CCDC191: variants seen among roughly 807,000 people sequenced by gnomAD.
The protein encoded by CCDC191 is coiled-coil domain containing 191.
A neutral mutation model predicts 114.0 loss-of-function variants in CCDC191; 99 were observed. That is an observed-to-expected ratio of 0.87 (90% confidence interval 0.74 to 1.03). The LOEUF is 1.03. CCDC191 is among the 50% of genes least tolerant of loss of function. CCDC191 has a pLI of 0.00. For synonymous variants in CCDC191, 351 were observed against 376.0 expected (o/e 0.93, Z 0.77); for missense variants, 973 against 1,087.0 (o/e 0.90, Z 1.47).
intron 9 of CCDC191, 59 bp from the exon 10 acceptor site, chr3:114,006,021 A>C: frequency 7.0e-7 from 1 of 1,421,134 alleles, no homozygotes. Context: ...GATGAAATCC[A>C]ACATTTATGA....
chr3:114,037,737 T>C (rs943028230), intron 4 of CCDC191, among the ~76,000 whole-genome samples: 7 of 152,176 alleles, frequency 4.6e-5, no homozygotes, highest in Non-Finnish European at 7.3e-5. Flanking sequence ...CTATAAACTA[T>C]ATCCATCCTT....
At chr3:113,984,616 A>G (rs2075288054) in intron 13 of CCDC191, 1 of 152,214 alleles carries the variant, frequency 6.6e-6, no homozygotes, top group Non-Finnish European at 1.5e-5. Context: ...TGTGCATTTT[A>G]TATCTAAAGT....
chr3:113,981,875 T>C (rs2075164029), intron 13 of CCDC191, among the ~76,000 whole-genome samples: 1 of 152,234 alleles, frequency 6.6e-6, no homozygotes. Flanking sequence ...TTATACTCTT[T>C]ATTTCAGGCA....
At chr3:114,009,248 A>T (rs2076025777) in intron 9 of CCDC191, among the ~76,000 whole-genome samples, 3 of 152,072 alleles carry the variant, frequency 2.0e-5, no homozygotes, top group South Asian at 2.1e-4. Flanking sequence ...ATTTATTAGA[A>T]TTTTTTTTCT....
intron 3 of CCDC191, among the ~76,000 whole-genome samples, chr3:114,045,464 C>T (rs981739900): frequency 2.0e-5 from 3 of 152,088 alleles, no homozygotes; most frequent in Non-Finnish European, 4.4e-5. Flanking sequence ...CTCTGCCTTC[C>T]GAATTCAAGT....
chr3:114,042,705 T>A lies in CCDC191; in HGVS notation c.413A>T (p.Asp138Val). ...ANGHLKYDKF[D>V]DLCGYLEEEE... is the part of the protein sequence containing the mutation. ...AGAACAATCAGGTAAGTTCTTACCA[T>A]CAAACTTGTCATATTTCAAATGGCC... The change falls in exon 4 of 17, where the codon GAT becomes GTT. Residue 138 changes from aspartate to valine, a missense_variant and splice_region_variant. Asp to Val is a radical substitution (Grantham distance 152). Transcript: ENST00000295878. 1 of 1,575,706 alleles carries A rather than the reference T, an allele frequency of 6.3e-7. No individual in the cohort carries two copies. Among genetic ancestry groups the A allele is most frequent in the Non-Finnish European group, 8.6e-7 (1 of 1,166,348 alleles).
intron 14 of CCDC191, among the ~76,000 whole-genome samples, chr3:113,979,336 G>T (rs115769146): frequency 0.011 from 1,699 of 152,234 alleles, 16 homozygotes; most frequent in Middle Eastern, 0.034. Flanking sequence ...TTCTCAATTT[G>T]CTCTCCTGGA....
chr3:113,971,411 CT>C (rs1940811620), intron 16 of CCDC191, among the ~76,000 whole-genome samples: 1 of 152,050 alleles, frequency 6.6e-6, no homozygotes, highest in Admixed American at 6.6e-5. Flanking sequence ...TATTGAATGC[CT>C]TTTTGGACAT....
chr3:113,980,459 A>G (rs2075107272), intron 14 of CCDC191, among the ~76,000 whole-genome samples, 191 bp downstream of exon 14: 2 of 152,140 alleles, frequency 1.3e-5, no homozygotes, highest in South Asian at 4.1e-4. Context: ...AACCTATTCA[A>G]TTACAAAAGT....
In CCDC191 at chr3:114,018,859, G is replaced by A. The variant is rs773180074; in HGVS notation, c.982C>T (p.Arg328Trp). The A allele has an allele frequency of 2.4e-5, 39 of 1,613,220 alleles. No individual in the cohort carries two copies. Among genetic ancestry groups the A allele is most frequent in the Middle Eastern group, 1.6e-4 (1 of 6,072 alleles). Residue 328 changes from arginine (R) to tryptophan (W), a missense_variant, in exon 8 of 17, where the codon CGG becomes TGG. Physicochemically the swap from Arg to Trp is moderately radical, Grantham distance 101 (BLOSUM62 -3). Transcript: ENST00000295878. ...TFKENQQCQK[R>W]YFAAWHKLIL... ...AGCTTGTGCCAGGCAGCGAAATACC[G>A]TTTTTGACACTGCAGCGGAAATATT...
Position 114,002,538 on chromosome 3 carries a change from G to A in CCDC191, c.1979C>T (p.Ala660Val). The change falls in exon 12 of 17, where the codon GCT (alanine) becomes GTT (valine). Residue 660 changes from alanine to valine, a missense_variant and splice_region_variant. Physicochemically the swap from Ala to Val is moderately conservative, Grantham distance 64 (BLOSUM62 0). Coordinates refer to ENST00000295878, the MANE Select transcript of CCDC191 (RefSeq NM_020817.2). The part of the protein sequence containing the change: ...QLMTPHPILK[A>V]MEERAIQRAE... ...TCGTTGAATTGCTCTCTCTTCCATA[G>A]CTAGAAAATAGTAACAGAGTTCTAA... 1 of 1,602,482 alleles carries A rather than the reference G, an allele frequency of 6.2e-7. No homozygotes were observed.
chr3:113,979,151 C>T, intron 14 of CCDC191, 141 bp from the exon 15 acceptor site: 1 of 770,988 alleles, frequency 1.3e-6, no homozygotes, highest in Non-Finnish European at 2.1e-6. Context: ...AGCCTGTGTC[C>T]TAAAAGCTTT....
At chr3:114,038,159 T>C (rs2076512088) in intron 4 of CCDC191, among the ~76,000 whole-genome samples, 1 of 152,230 alleles carries the variant, frequency 6.6e-6, no homozygotes, top group South Asian at 2.1e-4. Context: ...TTAAGATATG[T>C]AGAGGTAACT....
intron 13 of CCDC191, among the ~76,000 whole-genome samples, chr3:113,993,966 A>T (rs139698830): frequency 0.011 from 1,666 of 152,334 alleles, 14 homozygotes; most frequent in Non-Finnish European, 0.017. Context: ...TGTGAAGGAA[A>T]AACTGAAAAT....
chr3:114,018,340 A>G (rs1365568206), intron 8 of CCDC191, among the ~76,000 whole-genome samples: 2 of 151,854 alleles, frequency 1.3e-5, no homozygotes, highest in Non-Finnish European at 2.9e-5. Context: ...ATTTTATTTT[A>G]TTTTATTTTA....
chr3:113,992,572 T>G (rs1175439358), intron 13 of CCDC191, among the ~76,000 whole-genome samples: 1 of 151,908 alleles, frequency 6.6e-6, no homozygotes, highest in Non-Finnish European at 1.5e-5. Flanking sequence ...AAACGGGGAC[T>G]GTTGTGGGAT....
intron 12 of CCDC191, among the ~76,000 whole-genome samples, chr3:114,002,243 T>C (rs554828487): frequency 3.3e-5 from 5 of 152,300 alleles, no homozygotes; most frequent in African/African-American, 1.2e-4. Flanking sequence ...TTTCATAACA[T>C]TTTCTTCCTG....
intron 13 of CCDC191, among the ~76,000 whole-genome samples, chr3:113,990,378 T>C (rs979319430): frequency 1.3e-5 from 2 of 151,968 alleles, no homozygotes; most frequent in African/African-American, 4.8e-5. Context: ...AACTACCAAG[T>C]TTTACTCAAG....
intron 1 of CCDC191, among the ~76,000 whole-genome samples, chr3:114,054,577 C>A (rs1279632868): frequency 6.6e-6 from 1 of 152,188 alleles, no homozygotes. Flanking sequence ...GCGGAGCTTG[C>A]AGTGAGCCGA....
Sources: allele counts gnomAD v4.1 joint callset (sites outside exome capture counted in the v4.1 genomes callset), GRCh38; gene constraint gnomAD v4.1.1; transcripts MANE v1.5; gene names NCBI Gene and HGNC (gene_info 2026-07-23, HGNC 2026-07-21).